MAGI1: variants seen among roughly 807,000 people sequenced by gnomAD.
MAGI1 encodes the protein membrane-associated guanylate kinase, WW and PDZ domain-containing protein 1.
In MAGI1, 58 loss-of-function variants were observed where a neutral mutation model predicts 139.9. The ratio of observed to expected loss-of-function variants is 0.41; its 90% confidence interval spans 0.34 to 0.52. MAGI1 has a LOEUF of 0.52. Among genes scored for constraint, MAGI1 ranks in the 20% least tolerant of loss-of-function variants. The pLI is 0.12. For synonymous variants in MAGI1, 812 were observed against 737.9 expected (o/e 1.10, Z -1.63); for missense variants, 1,874 against 1,901.6 (o/e 0.99, Z 0.27).
In MAGI1 at chr3:65,590,614, C is replaced by A. The variant is rs181732983; in HGVS notation, c.430+31358G>T. On this transcript the variant is annotated intron_variant, in intron 2 of 22. Coordinates refer to ENST00000402939, the MANE Select transcript of MAGI1 (RefSeq NM_001033057.2). Reference sequence around the variant, plus strand: ...TAAAACTGCTACTTAGCTGTCCCCCCCATTCGTCTTTAATTAGCTGCTTGA... The same window carrying A: ...TAAAACTGCTACTTAGCTGTCCCCCACATTCGTCTTTAATTAGCTGCTTGA... Among the ~76,000 whole-genome samples, 5 of 152,268 alleles carry A rather than the reference C, an allele frequency of 3.3e-5. No homozygotes were observed. In the East Asian group the frequency reaches 9.7e-4, roughly 29 times the overall value.
intron 1 of MAGI1, among the ~76,000 whole-genome samples, chr3:65,985,070 C>T (rs901071815): frequency 3.9e-5 from 6 of 152,274 alleles, no homozygotes; most frequent in African/African-American, 9.6e-5. Context: ...CCCAGTGTTT[C>T]CTCATTTACT....
chr3:65,977,599 T>C (rs1351678734), intron 1 of MAGI1, among the ~76,000 whole-genome samples: 1 of 151,784 alleles, frequency 6.6e-6, no homozygotes, highest in Non-Finnish European at 1.5e-5. Flanking sequence ...TAGTCCCAGA[T>C]ACTCAGGAGG....
chr3:65,592,680 C>G (rs145562259), intron 2 of MAGI1, among the ~76,000 whole-genome samples: 2 of 152,140 alleles, frequency 1.3e-5, no homozygotes, highest in East Asian at 3.9e-4. Flanking sequence ...AAGGAACACA[C>G]GCACATGCAG....
intron 1 of MAGI1, among the ~76,000 whole-genome samples, chr3:65,677,419 A>C (rs958786288): frequency 6.6e-5 from 10 of 152,154 alleles, no homozygotes; most frequent in African/African-American, 2.4e-4. Flanking sequence ...GTCATATCGA[A>C]GACTTGACCT....
chr3:65,515,263 ACT>A, intron 2 of MAGI1, among the ~76,000 whole-genome samples: 1 of 91,910 alleles, frequency 1.1e-5, no homozygotes, highest in Admixed American at 1.1e-4. Context: ...TACATATGTA[ACT>A]AACCTGCACA....
chr3:65,569,440 T>A (rs1159524587), intron 2 of MAGI1, among the ~76,000 whole-genome samples: 1 of 152,216 alleles, frequency 6.6e-6, no homozygotes, highest in Non-Finnish European at 1.5e-5. Context: ...ATTTTTGTTA[T>A]GTATATTTTA....
intron 1 of MAGI1, among the ~76,000 whole-genome samples, chr3:65,658,811 A>G (rs2086029613): frequency 6.6e-6 from 1 of 152,222 alleles, no homozygotes; most frequent in Admixed American, 6.5e-5. Context: ...AAACGAAGTG[A>G]AATAAGTGCA....
At chr3:65,443,647 T>C (rs1234888523) in intron 7 of MAGI1, among the ~76,000 whole-genome samples, 1 of 152,322 alleles carries the variant, frequency 6.6e-6, no homozygotes, top group African/African-American at 2.4e-5. Context: ...TGCACCATAT[T>C]ATTTTACTTG....
At chr3:65,486,234 C>T (rs1951627903) in intron 3 of MAGI1, among the ~76,000 whole-genome samples, 1 of 152,162 alleles carries the variant, frequency 6.6e-6, no homozygotes, top group Non-Finnish European at 1.5e-5. Context: ...AATTAACATG[C>T]AGAAATATGC....
At chr3:65,518,621 A>G (rs1301061104) in intron 2 of MAGI1, among the ~76,000 whole-genome samples, 1 of 152,236 alleles carries the variant, frequency 6.6e-6, no homozygotes, top group Non-Finnish European at 1.5e-5. Context: ...TGGTATTATG[A>G]GACATTGTTA....
chr3:65,498,889 T>C (rs1343021269), intron 2 of MAGI1: 1 of 403,576 alleles, frequency 2.5e-6, no homozygotes, highest in East Asian at 1.6e-4. Flanking sequence ...ATGTGGCTAG[T>C]GGCTACTGGC....
intron 12 of MAGI1, among the ~76,000 whole-genome samples, chr3:65,403,584 T>C (rs1157391028): frequency 1.3e-5 from 2 of 152,196 alleles, no homozygotes; most frequent in Non-Finnish European, 2.9e-5. Flanking sequence ...TCTTAGTTAA[T>C]TGGAATCAGC....
rs532594405 is a variant in MAGI1 at position 65,417,040 on chromosome 3, A to G, written c.2167+12480T>C. 2.4e-4 allele frequency among the ~76,000 whole-genome samples: 36 copies of G among 152,210 alleles called. No individual in the cohort carries two copies. The South Asian group carries it at 3.5e-3, about 15-fold the overall frequency. On this transcript the variant is annotated intron_variant, in intron 12 of 22. Transcript: ENST00000402939. ...GGTGGGAACATTTTACACATGGTAA[A>G]CTCTGTCTCAGATAACGGTTTCGAA...
intron 1 of MAGI1, among the ~76,000 whole-genome samples, chr3:65,876,405 C>T (rs1016125381): frequency 6.6e-6 from 1 of 151,974 alleles, no homozygotes; most frequent in Non-Finnish European, 1.5e-5. Context: ...CTGAGAAATG[C>T]TGATGTACTG....
intron 1 of MAGI1, among the ~76,000 whole-genome samples, chr3:65,950,067 C>CAAAAAAAAACAAAAAAA (rs2063733550): frequency 1.6e-4 from 12 of 76,726 alleles, no homozygotes; most frequent in East Asian, 4.5e-4. Flanking sequence ...AACAAAAAAA[C>CAAAAAAAAACAAAAAAA]AAAAAAAAAA....
intron 1 of MAGI1, among the ~76,000 whole-genome samples, chr3:65,629,885 T>C (rs1160126540): frequency 6.6e-6 from 1 of 152,180 alleles, no homozygotes; most frequent in African/African-American, 2.4e-5. Flanking sequence ...AATATAAATG[T>C]ACTTAATGCT....
intron 1 of MAGI1, among the ~76,000 whole-genome samples, chr3:66,019,110 T>TC (rs1485764887): frequency 2.0e-5 from 3 of 152,200 alleles, no homozygotes; most frequent in Admixed American, 6.5e-5. Context: ...AGATTCCTGC[T>TC]CTCAAGTGAT....
At position 65,588,880 on chromosome 3, in the gene MAGI1, G is replaced by A. The variant is rs147642657; in HGVS notation, c.430+33092C>T. 9.5e-4 allele frequency among the ~76,000 whole-genome samples: 145 copies of A among 152,208 alleles called. 3 individuals carry two copies. Among genetic ancestry groups the A allele is most frequent in the African/African-American group, 3.2e-3 (133 of 41,540 alleles). Reference sequence around the variant, plus strand: ...CTCCATCATTTGATTATCGGGTTCCGTAATTAAGAAATAAATATTTATATA... The same window carrying A: ...CTCCATCATTTGATTATCGGGTTCCATAATTAAGAAATAAATATTTATATA... On this transcript the variant is annotated intron_variant, in intron 2 of 22. Coordinates refer to ENST00000402939, the MANE Select transcript of MAGI1 (RefSeq NM_001033057.2).
intron 1 of MAGI1, among the ~76,000 whole-genome samples, chr3:65,645,601 A>T (rs2085214577): frequency 1.3e-5 from 2 of 152,176 alleles, no homozygotes; most frequent in South Asian, 4.1e-4. Flanking sequence ...AAGAGGGAAG[A>T]AAAACAATGA....
Sources: gnomAD v4.1 joint callset for allele counts (sites outside exome capture counted in the v4.1 genomes callset) on GRCh38, gnomAD v4.1.1 for gene constraint, MANE v1.5 for transcripts, NCBI Gene and HGNC (gene_info 2026-07-23, HGNC 2026-07-21) for gene names.